The following FBN2 variants were observed in gnomAD, a reference collection of about 807,000 sequenced individuals.
The protein encoded by FBN2 is fibrillin-2.
FBN2 carries 105 observed loss-of-function variants against 355.6 expected under a neutral mutation model. The ratio of observed to expected loss-of-function variants is 0.30; its 90% CI spans 0.25 to 0.35. FBN2 has a LOEUF of 0.35. Ranked by LOEUF, FBN2 falls within the 10% of genes least tolerant of loss-of-function variation. The pLI is 1.00. For missense variants in FBN2, 3,280 were observed against 3,758.7 expected (o/e 0.87, Z 3.33); for synonymous variants, 1,350 against 1,301.2 (o/e 1.04, Z -0.81).
chr5:128,259,733 G>C lies in FBN2; in HGVS notation c.8461C>G (p.Leu2821Val). ...TTGAGGGGCTGGATGGCGGGCCTTAGTTCCAGGATGTGCTCCTTAGAGCCG... is the reference window on the plus strand; with the variant it reads ...TTGAGGGGCTGGATGGCGGGCCTTACTTCCAGGATGTGCTCCTTAGAGCCG... Reference protein sequence around the residue: ...HLGSKEHILELRPAIQPLNNH... With the variant: ...HLGSKEHILEVRPAIQPLNNH... The change falls in exon 65 of 65, where the codon CTA becomes GTA. Residue 2821 changes from leucine (L) to valine (V), a missense_variant. Leu to Val is a conservative substitution (Grantham distance 32). Transcript: ENST00000262464. 6.2e-7 allele frequency: 1 copy of C among 1,613,914 alleles called. No individual in the cohort carries two copies. Among genetic ancestry groups the C allele is most frequent in the Non-Finnish European group, 8.5e-7 (1 of 1,179,948 alleles).
intron 5 of FBN2, among the ~76,000 whole-genome samples, chr5:128,490,640 C>T (rs1755475230): frequency 6.6e-6 from 1 of 152,174 alleles, no homozygotes; most frequent in African/African-American, 2.4e-5. Context: ...CGAATTCTAT[C>T]CATTTACCTC....
At chr5:128,515,162 A>G (rs17164094) in intron 5 of FBN2, among the ~76,000 whole-genome samples, 24,671 of 152,120 alleles carry the variant, frequency 0.16, 3,645 homozygotes, top group African/African-American at 0.39. Flanking sequence ...CCATCTTTAC[A>G]CCTGCTCTTG....
At chr5:128,290,699 C>T in intron 50 of FBN2, 33 bp downstream of exon 50, 2 of 1,611,354 alleles carry the variant, frequency 1.2e-6, no homozygotes, top group Non-Finnish European at 1.7e-6. Context: ...AACTGGTACA[C>T]AAAGTGCTGT....
Position 128,328,708 on chromosome 5 carries a change from T to A in FBN2, c.4459A>T (p.Arg1487Ter). 6.2e-7 allele frequency: 1 copy of A among 1,614,172 alleles called. No individual in the cohort carries two copies. The highest frequency in any genetic ancestry group is 8.5e-7 in the Non-Finnish European group (1 of 1,180,030). ...CCTGGTGACCCACCTTGGCAGGATC[T>A]GCTGTCTGAGGCTGGAGTGAAGCCC... ...EMGFTPASDS[R>*]SCQDIDECSF... Residue 1487 changes from arginine (R) to a stop codon, truncating the protein, a stop_gained, in exon 34 of 65, where the codon AGA becomes TGA. Coordinates refer to ENST00000262464, the MANE Select transcript of FBN2 (RefSeq NM_001999.4). LOFTEE classifies it high-confidence loss of function.
At chr5:128,357,881 T>C (rs1207182194) in intron 19 of FBN2, among the ~76,000 whole-genome samples, 2 of 152,146 alleles carry the variant, frequency 1.3e-5, no homozygotes, top group Admixed American at 1.3e-4. Context: ...GGTGGGTACA[T>C]AACTCTCCTC....
intron 5 of FBN2, among the ~76,000 whole-genome samples, chr5:128,503,043 G>T (rs142811737): frequency 8.5e-4 from 129 of 151,286 alleles, no homozygotes; most frequent in East Asian, 6.0e-3. Flanking sequence ...TAATAACAAG[G>T]GTGGGGCCAG....
Position 128,318,796 on chromosome 5 carries a change from A to T in FBN2, c.4594+83T>A, listed in dbSNP as rs1046261326. 6 of 1,448,160 alleles carry T rather than the reference A, an allele frequency of 4.1e-6. No individual in the cohort carries two copies. In the African/African-American group the frequency reaches 8.3e-5, roughly 20 times the overall value. 89.7% of individuals were successfully genotyped at this position (1,448,160 alleles called of 1,614,324 possible). On this transcript the variant is annotated intron_variant, in intron 35 of 64. Coordinates refer to ENST00000262464, the MANE Select transcript of FBN2 (RefSeq NM_001999.4). Reference sequence around the variant, plus strand: ...AACCTAATGCATAGATTAGCTAAGCAGAAATCTCAGGAATTTTTATGCTTA... The same window carrying T: ...AACCTAATGCATAGATTAGCTAAGCTGAAATCTCAGGAATTTTTATGCTTA...
intron 41 of FBN2, among the ~76,000 whole-genome samples, chr5:128,308,166 A>G (rs1749934219): frequency 6.6e-6 from 1 of 152,148 alleles, no homozygotes; most frequent in South Asian, 2.1e-4. Context: ...AGGTTCCACA[A>G]TAAGTATCTT....
chr5:128,409,595 T>C (rs1753013557), intron 7 of FBN2, among the ~76,000 whole-genome samples: 1 of 152,138 alleles, frequency 6.6e-6, no homozygotes, highest in African/African-American at 2.4e-5. Flanking sequence ...CAATTAGGGA[T>C]AACTGGGAGC....
intron 7 of FBN2, among the ~76,000 whole-genome samples, chr5:128,415,286 A>C: frequency 6.6e-6 from 1 of 152,162 alleles, no homozygotes. Context: ...TCTTGTTATG[A>C]AACACTGGAA....
chr5:128,324,074 C>T (rs1477743247), intron 34 of FBN2, among the ~76,000 whole-genome samples: 1 of 152,172 alleles, frequency 6.6e-6, no homozygotes, highest in African/African-American at 2.4e-5. Flanking sequence ...AGTTTATTTG[C>T]AGAGAGGTGT....
At chr5:128,292,986 C>G (rs1749371063) in intron 48 of FBN2, among the ~76,000 whole-genome samples, 1 of 152,112 alleles carries the variant, frequency 6.6e-6, no homozygotes, top group Non-Finnish European at 1.5e-5. Context: ...GGTCTCTCCC[C>G]TTAGGTAGTA....
intron 20 of FBN2, among the ~76,000 whole-genome samples, chr5:128,353,344 GAAACA>G (rs988409820): frequency 4.6e-5 from 7 of 152,140 alleles, no homozygotes; most frequent in Non-Finnish European, 1.0e-4. Context: ...GACAGAGGTT[GAAACA>G]AAACAATTCT....
intron 48 of FBN2, among the ~76,000 whole-genome samples, chr5:128,296,117 C>T (rs1259491631): frequency 6.6e-6 from 1 of 152,118 alleles, no homozygotes; most frequent in Non-Finnish European, 1.5e-5. Flanking sequence ...GTTTTTGGTT[C>T]TGTTTATATG....
intron 7 of FBN2, among the ~76,000 whole-genome samples, chr5:128,441,099 T>C (rs1262978398): frequency 6.6e-6 from 1 of 152,164 alleles, no homozygotes; most frequent in Non-Finnish European, 1.5e-5. Context: ...GAAATGAAGG[T>C]CAAGGCTCTG....
At chr5:128,280,854 GGT>G (rs910797643) in intron 55 of FBN2, among the ~76,000 whole-genome samples, 35 of 151,962 alleles carry the variant, frequency 2.3e-4, no homozygotes, top group Admixed American at 1.0e-3. Context: ...TCTTTTGGTT[GGT>G]GATAAATAAA....
At chr5:128,403,740 T>C (rs1419808423) in intron 8 of FBN2, among the ~76,000 whole-genome samples, 1 of 152,022 alleles carries the variant, frequency 6.6e-6, no homozygotes, top group African/African-American at 2.4e-5. Context: ...TAGTGCTCTA[T>C]GCTAAAAAAC....
intron 9 of FBN2, among the ~76,000 whole-genome samples, chr5:128,393,743 T>C (rs1302498868): frequency 1.3e-5 from 2 of 152,252 alleles, no homozygotes; most frequent in African/African-American, 4.8e-5. Context: ...ATGGTTTTAC[T>C]TACATTCTCT....
intron 4 of FBN2, among the ~76,000 whole-genome samples, chr5:128,524,186 C>T (rs996179939): frequency 1.3e-5 from 2 of 152,096 alleles, no homozygotes; most frequent in African/African-American, 2.4e-5. Context: ...GTTCCCACTA[C>T]AGGTCCTTTA....
Sources: allele counts gnomAD v4.1 joint callset (sites outside exome capture counted in the v4.1 genomes callset), GRCh38; gene constraint gnomAD v4.1.1; transcripts MANE v1.5; gene names NCBI Gene and HGNC (gene_info 2026-07-23, HGNC 2026-07-21).